The following ZDHHC21 variants were observed in gnomAD, a reference collection of about 807,000 sequenced individuals.
ZDHHC21 encodes the protein zDHHC palmitoyltransferase 21.
ZDHHC21 carries 15 observed loss-of-function variants against 34.6 expected under a neutral mutation model. That is an observed-to-expected ratio of 0.43 (90% CI 0.29 to 0.67). The LOEUF (loss-of-function observed/expected upper bound fraction) is 0.67, where lower values mean the gene tolerates loss of function less well. Ranked by LOEUF, ZDHHC21 falls within the 30% of genes least tolerant of loss-of-function variation. The pLI is 0.14. For synonymous variants in ZDHHC21, 142 were observed against 101.8 expected, an observed-to-expected ratio of 1.40 and a Z score of -2.38; for missense variants, 344 against 327.7, an observed-to-expected ratio of 1.05 and a Z score of -0.38.
intron 8 of ZDHHC21, among the ~76,000 whole-genome samples, chr9:14,625,561 T>TG (rs1464560238): frequency 6.6e-6 from 1 of 152,014 alleles, no homozygotes; most frequent in Non-Finnish European, 1.5e-5. Flanking sequence ...TAGGTTTTTG[T>TG]GGGGATTAAA....
At chr9:14,669,401 G>T (rs1835056527) in intron 5 of ZDHHC21, among the ~76,000 whole-genome samples, 1 of 141,076 alleles carries the variant, frequency 7.1e-6, no homozygotes, top group African/African-American at 2.6e-5. Context: ...TTACACTGTT[G>T]GTGGGACTGT....
the ZDHHC21 span, among the ~76,000 whole-genome samples, chr9:14,605,516 A>G: frequency 6.6e-6 from 1 of 152,086 alleles, no homozygotes; most frequent in South Asian, 2.1e-4. Flanking sequence ...TCCTTTGCCC[A>G]TTATTTAATC....
At chr9:14,671,221 A>G (rs1161124481) in intron 5 of ZDHHC21, among the ~76,000 whole-genome samples, 2 of 152,084 alleles carry the variant, frequency 1.3e-5, no homozygotes, top group African/African-American at 2.4e-5. Flanking sequence ...TTGAATGAAT[A>G]TAATGCAATG....
intron 8 of ZDHHC21, among the ~76,000 whole-genome samples, chr9:14,636,042 G>A (rs1353435589): frequency 1.3e-5 from 2 of 152,056 alleles, no homozygotes; most frequent in Admixed American, 6.6e-5. Flanking sequence ...AAAATGACAG[G>A]AGTAAGCCTC....
At position 14,665,787 on chromosome 9, in the gene ZDHHC21, C is replaced by CA. The variant is rs540163695; in HGVS notation, c.254-3462dup. On this transcript the variant is annotated intron_variant, in intron 5 of 9. Transcript: ENST00000380916. The stretch of plus-strand genomic sequence containing the variant: ...AAGGAGAAATAAAATCCTTTACAGA[C>CA]AAGCAAATGCTGACCAATTTTGTCA... Among the ~76,000 whole-genome samples, 399 of 147,880 alleles carry CA rather than the reference C, an allele frequency of 2.7e-3. 2 individuals carry two copies. Among genetic ancestry groups the CA allele is most frequent in the African/African-American group, 9.4e-3 (377 of 40,188 alleles).
chr9:14,691,289 T>C (rs1839113104), intron 1 of ZDHHC21, among the ~76,000 whole-genome samples: 1 of 152,186 alleles, frequency 6.6e-6, no homozygotes, highest in South Asian at 2.1e-4. Flanking sequence ...CAAAGAGGTT[T>C]TCGGGAAAAT....
chr9:14,635,906 C>T (rs1270997895), intron 8 of ZDHHC21, among the ~76,000 whole-genome samples: 3 of 152,008 alleles, frequency 2.0e-5, no homozygotes, highest in Non-Finnish European at 2.9e-5. Context: ...GCAGAGCAAA[C>T]ACACAAATAA....
intron 8 of ZDHHC21, among the ~76,000 whole-genome samples, chr9:14,623,860 G>A (rs1242112245): frequency 6.6e-6 from 1 of 152,084 alleles, no homozygotes; most frequent in African/African-American, 2.4e-5. Context: ...TGGCAAGGAT[G>A]TGGAGAAAAG....
the ZDHHC21 span, chr9:14,589,958 G>C: frequency 1.3e-5 from 2 of 152,042 alleles, no homozygotes; most frequent in Non-Finnish European, 1.5e-5. Flanking sequence ...ACCATGATGA[G>C]GAAGAAAGTT....
the ZDHHC21 span, among the ~76,000 whole-genome samples, chr9:14,600,979 C>T: frequency 6.6e-6 from 1 of 152,150 alleles, no homozygotes; most frequent in African/African-American, 2.4e-5. Context: ...CCCTTCCTTA[C>T]ACCTTATACA....
chr9:14,665,390 A>C (rs1425140548), intron 5 of ZDHHC21, among the ~76,000 whole-genome samples: 4 of 142,844 alleles, frequency 2.8e-5, no homozygotes, highest in Admixed American at 2.1e-4. Flanking sequence ...CCTGAAAGTG[A>C]TGGGGAGAAT....
chr9:14,668,605 A>T (rs1475716724), intron 5 of ZDHHC21, among the ~76,000 whole-genome samples: 64 of 151,766 alleles, frequency 4.2e-4, no homozygotes, highest in Admixed American at 6.6e-4. Context: ...CAAACTATAC[A>T]ACAAGGCTAC....
intron 5 of ZDHHC21, among the ~76,000 whole-genome samples, chr9:14,671,436 A>G (rs1483721907): frequency 3.3e-5 from 5 of 152,078 alleles, no homozygotes; most frequent in African/African-American, 9.7e-5. Flanking sequence ...TCAGTTGTCA[A>G]TGTAGGAAAT....
At chr9:14,671,014 A>T (rs559512235) in intron 5 of ZDHHC21, among the ~76,000 whole-genome samples, 7 of 152,234 alleles carry the variant, frequency 4.6e-5, no homozygotes, top group African/African-American at 1.7e-4. Context: ...TTTTAAAAAG[A>T]CTATGAGAAA....
intron 5 of ZDHHC21, among the ~76,000 whole-genome samples, chr9:14,670,892 A>G (rs7875420): frequency 0.45 from 67,603 of 151,790 alleles, 15,419 homozygotes; most frequent in African/African-American, 0.55. Flanking sequence ...ACATATCTCT[A>G]AAGCCTTTCT....
chr9:14,596,478 G>A, the ZDHHC21 span, among the ~76,000 whole-genome samples: 1 of 152,208 alleles, frequency 6.6e-6, no homozygotes, highest in Non-Finnish European at 1.5e-5. Context: ...CTGCTTGTGT[G>A]TGTTGTTGGC....
At chr9:14,649,711 T>C (rs565385569) in intron 7 of ZDHHC21, among the ~76,000 whole-genome samples, 1 of 152,092 alleles carries the variant, frequency 6.6e-6, no homozygotes, top group Non-Finnish European at 1.5e-5. Flanking sequence ...ATCATATGTA[T>C]GCAATTGTCT....
intron 3 of ZDHHC21, among the ~76,000 whole-genome samples, chr9:14,678,968 C>T (rs1375849415): frequency 1.3e-5 from 2 of 151,742 alleles, no homozygotes; most frequent in African/African-American, 2.4e-5. Context: ...AGACCGTAAC[C>T]GGTTTTTCTG....
chr9:14,659,690 C>T (rs560030732), intron 6 of ZDHHC21, among the ~76,000 whole-genome samples: 60 of 152,274 alleles, frequency 3.9e-4, no homozygotes, highest in Non-Finnish European at 3.1e-4. Context: ...TAACAGGTTT[C>T]GGTCCTAACT....
Sources: gnomAD v4.1 joint callset for allele counts (sites outside exome capture counted in the v4.1 genomes callset) on GRCh38, gnomAD v4.1.1 for gene constraint, MANE v1.5 for transcripts, NCBI Gene and HGNC (gene_info 2026-07-23, HGNC 2026-07-21) for gene names.